BMPER: variants seen among roughly 807,000 people sequenced by gnomAD.
BMPER encodes BMP-binding endothelial regulator protein.
Under a neutral mutation model 87.3 loss-of-function variants are expected in BMPER, and 45 were observed. The ratio of observed to expected loss-of-function variants is 0.52; its 90% confidence interval spans 0.41 to 0.66. The LOEUF is 0.66. BMPER is among the 30% of genes least tolerant of loss of function. BMPER has a pLI of 0.00. For synonymous variants in BMPER, 326 were observed against 316.2 expected, an observed-to-expected ratio of 1.03 and a Z score of -0.33; for missense variants, 784 against 867.5, an observed-to-expected ratio of 0.90 and a Z score of 1.21.
chr7:34,015,651 T>G (rs546473126), intron 6 of BMPER, among the ~76,000 whole-genome samples: 2 of 152,080 alleles, frequency 1.3e-5, no homozygotes, highest in East Asian at 3.9e-4. Flanking sequence ...GTTGAGCACA[T>G]GAAAAACTTG....
intron 13 of BMPER, among the ~76,000 whole-genome samples, chr7:34,095,101 A>T (rs939182946): frequency 6.6e-6 from 1 of 152,226 alleles, no homozygotes; most frequent in African/African-American, 2.4e-5. Context: ...AAATTCTTTC[A>T]ATGGATAAGA....
chr7:33,937,067 G>GA (rs1391151213), intron 2 of BMPER, among the ~76,000 whole-genome samples: 1 of 152,168 alleles, frequency 6.6e-6, no homozygotes, highest in Non-Finnish European at 1.5e-5. Context: ...GTAAAGAAGG[G>GA]ACTTTTCATC....
chr7:34,129,346 C>CA (rs1316133511), intron 13 of BMPER, among the ~76,000 whole-genome samples: 1 of 151,584 alleles, frequency 6.6e-6, no homozygotes, highest in Non-Finnish European at 1.5e-5. Flanking sequence ...ACTAAAAATA[C>CA]AAAAAATTAG....
intron 6 of BMPER, among the ~76,000 whole-genome samples, chr7:34,011,399 C>T (rs535138439): frequency 6.6e-6 from 1 of 151,536 alleles, no homozygotes; most frequent in South Asian, 2.1e-4. Context: ...TGTTTGGCTT[C>T]CTCTAAAGGT....
intron 3 of BMPER, among the ~76,000 whole-genome samples, chr7:33,942,527 CTG>C (rs1157109906): frequency 6.6e-6 from 1 of 152,290 alleles, no homozygotes; most frequent in East Asian, 1.9e-4. Context: ...GGGCCCCTGA[CTG>C]TGTATTTTTA....
At chr7:33,940,602 A>T (rs1386465865) in intron 3 of BMPER, among the ~76,000 whole-genome samples, 1 of 152,096 alleles carries the variant, frequency 6.6e-6, no homozygotes, top group African/African-American at 2.4e-5. Flanking sequence ...ACAAAACAAC[A>T]ACAGATCAGT....
chr7:33,987,588 C>T (rs1399783645), intron 6 of BMPER, among the ~76,000 whole-genome samples: 3 of 152,172 alleles, frequency 2.0e-5, no homozygotes, highest in Non-Finnish European at 2.9e-5. Flanking sequence ...GATCTGGGTG[C>T]ACCTTCCATA....
rs989185756 is a variant in BMPER, at chr7:34,065,245, T to C, written c.1078+3198T>C. 9.2e-4 allele frequency among the ~76,000 whole-genome samples: 135 copies of C among 147,322 alleles called. 1 individual carries two copies. Among genetic ancestry groups the C allele is most frequent in the Non-Finnish European group, 1.7e-3 (112 of 66,210 alleles). Reference sequence around the variant, plus strand: ...CTCTCTCTCTCTCTCTCTCTCTCTCTCTCCCTCTCTCTCTCTCTCCCCATG... The same window carrying C: ...CTCTCTCTCTCTCTCTCTCTCTCTCCCTCCCTCTCTCTCTCTCTCCCCATG... On this transcript the variant is annotated intron_variant, in intron 11 of 14. Transcript: ENST00000649409.
chr7:33,982,715 C>G (rs1172431820), intron 6 of BMPER, among the ~76,000 whole-genome samples: 1 of 152,088 alleles, frequency 6.6e-6, no homozygotes, highest in African/African-American at 2.4e-5. Context: ...ATGCCATTGT[C>G]ATTAGATTGA....
At chr7:33,909,122 C>T (rs1452591795) in intron 2 of BMPER, among the ~76,000 whole-genome samples, 3 of 152,052 alleles carry the variant, frequency 2.0e-5, no homozygotes, top group Admixed American at 1.3e-4. Flanking sequence ...GCTTGTAGGG[C>T]CTCATCTAAG....
chr7:33,934,535 A>T (rs1455364013), intron 2 of BMPER, among the ~76,000 whole-genome samples: 1 of 152,102 alleles, frequency 6.6e-6, no homozygotes, highest in African/African-American at 2.4e-5. Flanking sequence ...AAAAAAAAAA[A>T]ATCCAGATGT....
chr7:34,134,531 G>A (rs1790671839), intron 13 of BMPER, among the ~76,000 whole-genome samples: 1 of 152,114 alleles, frequency 6.6e-6, no homozygotes, highest in African/African-American at 2.4e-5. Context: ...ATCATGGTCA[G>A]TTTTTCCCTC....
rs368127065 is a variant in BMPER at position 34,123,370 on chromosome 7, A to G, written c.1746-19860A>G. Among the ~76,000 whole-genome samples, 6 of 152,290 alleles carry G rather than the reference A, an allele frequency of 3.9e-5. No homozygotes were observed. The East Asian group carries it at 5.8e-4, about 15-fold the overall frequency. On this transcript the variant is annotated intron_variant, in intron 13 of 14. Transcript: ENST00000649409. Reference sequence around the variant, plus strand: ...ATTGGAGTAAATATCTAGATCATGAATCAAGGACTCCTAGAGATGAGGTCA... The same window carrying G: ...ATTGGAGTAAATATCTAGATCATGAGTCAAGGACTCCTAGAGATGAGGTCA...
At chr7:34,119,852 A>T (rs557397776) in intron 13 of BMPER, among the ~76,000 whole-genome samples, 1 of 152,316 alleles carries the variant, frequency 6.6e-6, no homozygotes, top group Admixed American at 6.5e-5. Context: ...ACCTAACAGA[A>T]TGACACAGAA....
chr7:34,103,019 G>A (rs1469292755), intron 13 of BMPER, among the ~76,000 whole-genome samples: 2 of 152,126 alleles, frequency 1.3e-5, no homozygotes, highest in Non-Finnish European at 2.9e-5. Flanking sequence ...TCTGAGCAGA[G>A]TACAAAGCAC....
At chr7:34,040,317 G>A (rs1282300614) in intron 6 of BMPER, among the ~76,000 whole-genome samples, 2 of 152,174 alleles carry the variant, frequency 1.3e-5, no homozygotes. Context: ...GCCCCTATAG[G>A]CAGAGCCTAT....
chr7:34,020,182 C>T (rs961305036), intron 6 of BMPER, among the ~76,000 whole-genome samples: 1 of 151,744 alleles, frequency 6.6e-6, no homozygotes, highest in East Asian at 2.0e-4. Flanking sequence ...TTATTTTGTC[C>T]TGAGGGCAGA....
At chr7:33,968,444 G>A (rs1315760668) in intron 4 of BMPER, among the ~76,000 whole-genome samples, 1 of 152,174 alleles carries the variant, frequency 6.6e-6, no homozygotes, top group Non-Finnish European at 1.5e-5. Context: ...TCTGCAGAAT[G>A]GCACAATGGC....
At chr7:33,922,956 A>G (rs1784271496) in intron 2 of BMPER, among the ~76,000 whole-genome samples, 1 of 152,156 alleles carries the variant, frequency 6.6e-6, no homozygotes, top group Non-Finnish European at 1.5e-5. Context: ...ACTAATCCCA[A>G]AATTGCAACA....
Sources: gnomAD v4.1 joint callset for allele counts (sites outside exome capture counted in the v4.1 genomes callset) on GRCh38, gnomAD v4.1.1 for gene constraint, MANE v1.5 for transcripts, NCBI Gene and HGNC (gene_info 2026-07-23, HGNC 2026-07-21) for gene names.